The following ARHGAP6 variants were observed in gnomAD, a reference collection of about 807,000 sequenced individuals.
The protein encoded by ARHGAP6 is Rho GTPase activating protein 6, also known as rho GTPase-activating protein 6.
A neutral mutation model predicts 55.7 loss-of-function variants in ARHGAP6; 16 were observed. The observed-to-expected ratio is 0.29, with a 90% CI of 0.19 to 0.44. The LOEUF (loss-of-function observed/expected upper bound fraction) is 0.44, where lower values mean the gene tolerates loss of function less well. Ranked by LOEUF, ARHGAP6 falls within the 20% of genes least tolerant of loss-of-function variation. The pLI is 1.00. For synonymous variants in ARHGAP6, 382 were observed against 360.9 expected (o/e 1.06, Z -0.66); for missense variants, 698 against 808.9 (o/e 0.86, Z 1.66).
At chrX:11,569,896 T>A (rs1464673450) in intron 1 of ARHGAP6, among the ~76,000 whole-genome samples, 2 of 112,067 alleles carry the variant, frequency 1.8e-5, no homozygotes, top group African/African-American at 6.5e-5. Flanking sequence ...ATATTTAAAA[T>A]GTTGGCTGAG....
chrX:11,221,843 C>A (rs1030574746), intron 2 of ARHGAP6, among the ~76,000 whole-genome samples: 1 of 111,112 alleles, frequency 9.0e-6, no homozygotes, highest in African/African-American at 3.3e-5. Context: ...TAGGTTATAG[C>A]ATAGTACCTG....
At chrX:11,497,018 T>G (rs1255177812) in intron 1 of ARHGAP6, among the ~76,000 whole-genome samples, 3 of 111,806 alleles carry the variant, frequency 2.7e-5, no homozygotes, top group Non-Finnish European at 1.9e-5. Context: ...GTTTATTTTC[T>G]CTGCTATGGA....
intron 1 of ARHGAP6, among the ~76,000 whole-genome samples, chrX:11,571,288 T>A (rs1309654477): frequency 9.0e-6 from 1 of 111,192 alleles, no homozygotes; most frequent in African/African-American, 3.3e-5. Context: ...GGTCACCTGA[T>A]AGGTAGAAAA....
intron 1 of ARHGAP6, among the ~76,000 whole-genome samples, chrX:11,379,432 G>A (rs987184181): frequency 1.8e-5 from 2 of 112,017 alleles, no homozygotes; most frequent in African/African-American, 6.5e-5. Context: ...CTTGGTCACT[G>A]TTGTATTTGG....
intron 1 of ARHGAP6, among the ~76,000 whole-genome samples, chrX:11,315,988 C>T (rs2048356107): frequency 8.9e-6 from 1 of 112,002 alleles, no homozygotes; most frequent in East Asian, 2.8e-4. Context: ...AAGTCAATAG[C>T]AACTCAATTT....
intron 1 of ARHGAP6, among the ~76,000 whole-genome samples, chrX:11,483,582 G>A (rs1046918416): frequency 4.5e-4 from 50 of 111,478 alleles, no homozygotes; most frequent in African/African-American, 1.6e-3. Flanking sequence ...CTATCACTGA[G>A]TCACTGACTC....
intron 1 of ARHGAP6, among the ~76,000 whole-genome samples, chrX:11,394,754 G>T (rs1197123983): frequency 9.1e-6 from 1 of 110,019 alleles, no homozygotes; most frequent in South Asian, 4.0e-4. Flanking sequence ...ATAGTGATCT[G>T]ACCAAGCATC....
chrX:11,482,677 C>T (rs1345236354), intron 1 of ARHGAP6, among the ~76,000 whole-genome samples: 1 of 111,514 alleles, frequency 9.0e-6, no homozygotes, highest in Non-Finnish European at 1.9e-5. Context: ...CTCCAAGTCC[C>T]CAGTGTTATG....
chrX:11,651,981 C>T (rs766854896), intron 1 of ARHGAP6, among the ~76,000 whole-genome samples: 33 of 111,723 alleles, frequency 3.0e-4, no homozygotes, highest in Non-Finnish European at 5.3e-4. Flanking sequence ...TTTTTAATAG[C>T]GTTGCTTCTT....
intron 1 of ARHGAP6, among the ~76,000 whole-genome samples, chrX:11,499,377 C>CAACTTCAGCTT (rs201721984): frequency 2.7e-5 from 3 of 112,117 alleles, no homozygotes; most frequent in African/African-American, 9.7e-5. Flanking sequence ...AATGTTTTCT[C>CAACTTCAGCTT]AACTTCAGGC....
chrX:11,205,572 C>G (rs1357578655), intron 2 of ARHGAP6, among the ~76,000 whole-genome samples: 1 of 112,012 alleles, frequency 8.9e-6, no homozygotes, highest in Non-Finnish European at 1.9e-5. Context: ...TATAGTTCTA[C>G]AAAAAGTTTA....
chrX:11,309,774 A>G (rs758939115), intron 1 of ARHGAP6, among the ~76,000 whole-genome samples: 4 of 111,448 alleles, frequency 3.6e-5, no homozygotes, highest in Non-Finnish European at 5.6e-5. Context: ...TAAGAAAAAA[A>G]ATCTGAATAA....
At chrX:11,396,649 T>C (rs900736763) in intron 1 of ARHGAP6, among the ~76,000 whole-genome samples, 1 of 111,481 alleles carries the variant, frequency 9.0e-6, no homozygotes, top group Non-Finnish European at 1.9e-5. Context: ...ACTGTGCACA[T>C]GCAAGCCTGT....
At chrX:11,645,130 C>T (rs2052513342) in intron 1 of ARHGAP6, among the ~76,000 whole-genome samples, 1 of 111,457 alleles carries the variant, frequency 9.0e-6, no homozygotes, top group Admixed American at 9.5e-5. Flanking sequence ...AATTCTTAAA[C>T]AGACAAGACT....
At chrX:11,513,806 G>A (rs745706667) in intron 1 of ARHGAP6, among the ~76,000 whole-genome samples, 4 of 110,842 alleles carry the variant, frequency 3.6e-5, no homozygotes, top group African/African-American at 1.3e-4. Flanking sequence ...GAGCAAGGAC[G>A]ACTTCTCTAT....
At chrX:11,213,895 A>C (rs2046841402) in intron 2 of ARHGAP6, among the ~76,000 whole-genome samples, 1 of 112,181 alleles carries the variant, frequency 8.9e-6, no homozygotes, top group South Asian at 3.7e-4. Context: ...AAATAAATAC[A>C]TGAATAAATG....
chrX:11,322,094 CTCAAGAAAA>C (rs1569299946), intron 1 of ARHGAP6, among the ~76,000 whole-genome samples: 1 of 112,261 alleles, frequency 8.9e-6, no homozygotes, highest in Non-Finnish European at 1.9e-5. Context: ...TGAAGAACAT[CTCAAGAAAA>C]TCACTGGAGA....
At chrX:11,410,575 C>G (rs1329903512) in intron 1 of ARHGAP6, among the ~76,000 whole-genome samples, 1 of 112,220 alleles carries the variant, frequency 8.9e-6, no homozygotes, top group Non-Finnish European at 1.9e-5. Flanking sequence ...TTGTACAACT[C>G]CGTGAATGTA....
intron 2 of ARHGAP6, among the ~76,000 whole-genome samples, chrX:11,231,267 C>T (rs775549001): frequency 8.9e-6 from 1 of 111,959 alleles, no homozygotes; most frequent in East Asian, 2.8e-4. Flanking sequence ...AATAAACACC[C>T]GCTTTGAAGA....
Sources: allele counts gnomAD v4.1 joint callset (sites outside exome capture counted in the v4.1 genomes callset), GRCh38; gene constraint gnomAD v4.1.1; transcripts MANE v1.5; gene names NCBI Gene and HGNC (gene_info 2026-07-23, HGNC 2026-07-21).